Variants in DUSP18 observed in about 807,000 individuals in gnomAD.
DUSP18 encodes the protein dual specificity protein phosphatase 18.
Under a neutral mutation model 6.3 loss-of-function variants are expected in DUSP18, and 4 were observed. That is an observed-to-expected ratio of 0.63 (90% confidence interval 0.31 to 1.45). The LOEUF is 1.45. Among genes scored for constraint, DUSP18 ranks in the 40% most tolerant of loss-of-function variants. The probability of loss-of-function intolerance (pLI) is 0.07; values close to 1 mark genes in which losing one functional copy is unlikely to be tolerated. For missense variants in DUSP18, 235 were observed against 247.7 expected, an observed-to-expected ratio of 0.95 and a Z score of 0.34; for synonymous variants, 96 against 95.1, an observed-to-expected ratio of 1.01 and a Z score of -0.05.
At chr22:30,665,230 G>A (rs980659561) in intron 1 of DUSP18, 15 of 184,800 alleles carry the variant, frequency 8.1e-5, no homozygotes, top group South Asian at 6.7e-4. Flanking sequence ...GAGAAATGAG[G>A]AGCCAAAGTT....
chr22:30,660,311 A>T (rs9609036), downstream of DUSP18, among the ~76,000 whole-genome samples: 136 of 151,128 alleles, frequency 9.0e-4, no homozygotes, highest in Middle Eastern at 3.4e-3. Context: ...AGAGAAAAAA[A>T]TTTTTTTTTT....
At chr22:30,660,841 AT>A (rs201034099), downstream of DUSP18, among the ~76,000 whole-genome samples, 756 of 144,112 alleles carry the variant, frequency 5.2e-3, 2 homozygotes, top group African/African-American at 0.013. Context: ...GCATAGAACA[AT>A]TTTTTTTTTT....
chr22:30,662,142 G>A lies in DUSP18; in HGVS notation c.*1295C>T, dbSNP rs1193513400. The A allele has an allele frequency of 6.6e-6, 1 of 151,272 alleles. No homozygotes were observed. The highest frequency in any genetic ancestry group is 2.4e-5 in the African/African-American group (1 of 41,150). The allele number at this position is 151,272 out of a possible 1,614,324, so 9.4% of individuals were successfully genotyped here. On this transcript the variant is annotated 3_prime_UTR_variant, in exon 2 of 2. Transcript: ENST00000334679. The stretch of plus-strand genomic sequence containing the variant: ...ATGCCATTATGGGGATGTGTGTGCC[G>A]ACCTGGGACCAGCAGGGTGAAAGAG...
intron 1 of DUSP18, among the ~76,000 whole-genome samples, chr22:30,664,711 G>A (rs920476933): frequency 3.9e-5 from 6 of 152,208 alleles, no homozygotes; most frequent in African/African-American, 1.2e-4. Context: ...ATGCCCATGC[G>A]AAGCTGATGT....
chr22:30,656,149 A>T (rs1236221394), intron 2 of DUSP18, among the ~76,000 whole-genome samples: 32 of 150,560 alleles, frequency 2.1e-4, no homozygotes, highest in Non-Finnish European at 2.2e-4. Flanking sequence ...TTTTTTTTTT[A>T]AACTTTTTGT....
downstream of DUSP18, among the ~76,000 whole-genome samples, chr22:30,659,931 G>A (rs968483203): frequency 2.0e-5 from 3 of 152,110 alleles, no homozygotes; most frequent in Non-Finnish European, 4.4e-5. Flanking sequence ...ATTTCTGGAG[G>A]GGCACACGTA....
chr22:30,658,484 C>T (rs1007233066), downstream of DUSP18, among the ~76,000 whole-genome samples: 22 of 151,944 alleles, frequency 1.4e-4, no homozygotes, highest in African/African-American at 5.3e-4. Context: ...AAAGCATCTG[C>T]AATCTGAAAA....
intron 1 of DUSP18, among the ~76,000 whole-genome samples, 176 bp from the exon 2 acceptor site, chr22:30,664,256 CCA>C (rs1469697810): frequency 1.3e-5 from 2 of 152,168 alleles, no homozygotes; most frequent in African/African-American, 4.8e-5. Context: ...CTCTCCAAAC[CCA>C]CAGTCAGACT....
At chr22:30,654,158 A>G in intron 2 of DUSP18, 1 of 219,318 alleles carries the variant, frequency 4.6e-6, no homozygotes, top group Non-Finnish European at 9.1e-6. Flanking sequence ...TTTATTTTTT[A>G]TTTTTTTAGT....
chr22:30,652,231 G>C (rs575457199), exon 3 of DUSP18: 1 of 152,248 alleles, frequency 6.6e-6, no homozygotes, highest in African/African-American at 2.4e-5. Context: ...CCTGGGTGGG[G>C]GCCACAAGAT....
downstream of DUSP18, among the ~76,000 whole-genome samples, chr22:30,661,230 C>G (rs985593062): frequency 1.3e-5 from 2 of 151,984 alleles, no homozygotes; most frequent in Non-Finnish European, 2.9e-5. Context: ...AGTTTGAGAC[C>G]CATTCATGGA....
At chr22:30,652,886 G>C (rs1461132832) in intron 2 of DUSP18, among the ~76,000 whole-genome samples, 1 of 152,176 alleles carries the variant, frequency 6.6e-6, no homozygotes, top group African/African-American at 2.4e-5. Flanking sequence ...TTCCCACATT[G>C]ACTACACAAA....
intron 2 of DUSP18, among the ~76,000 whole-genome samples, chr22:30,655,893 T>C (rs149926036): frequency 2.0e-3 from 297 of 152,214 alleles, no homozygotes; most frequent in Non-Finnish European, 2.4e-3. Context: ...TTAGGTGATA[T>C]TGGGTCACGA....
Position 30,663,779 on chromosome 22 carries a change from A to AG in DUSP18, c.224dup (p.Asn76Ter), listed in dbSNP as rs1249597980. 1 of 1,614,208 alleles carries AG rather than the reference A, an allele frequency of 6.2e-7. No homozygotes were observed. The highest frequency in any genetic ancestry group is 8.5e-7 in the Non-Finnish European group (1 of 1,180,024). On this transcript the variant is annotated frameshift_variant, in exon 2 of 2. Coordinates refer to ENST00000334679, the MANE Select transcript of DUSP18 (RefSeq NM_152511.5). LOFTEE classifies it high-confidence loss of function. ...CAAAGAAGTCACAGAGACGTGAGTT[A>AG]GGGGAGTCAGCCACAGGTACCTGCA...
At chr22:30,653,898 C>T (rs2088276712) in intron 2 of DUSP18, 1 of 165,522 alleles carries the variant, frequency 6.0e-6, no homozygotes, top group Non-Finnish European at 1.3e-5. Flanking sequence ...GTCCATGGGT[C>T]TTGAGGACAC....
chr22:30,656,374 C>T (rs888935919), intron 2 of DUSP18, among the ~76,000 whole-genome samples: 2 of 152,122 alleles, frequency 1.3e-5, no homozygotes, highest in African/African-American at 2.4e-5. Flanking sequence ...AATTAGATCG[C>T]CATCTCAACA....
chr22:30,656,767 A>G (rs2088346271), downstream of DUSP18, among the ~76,000 whole-genome samples: 1 of 152,164 alleles, frequency 6.6e-6, no homozygotes, highest in African/African-American at 2.4e-5. Flanking sequence ...CCCACTTAGG[A>G]TATGAACTCC....
rs1252165875 is a variant in DUSP18, at chr22:30,663,914, G to C, written c.90C>G (p.Ser30Arg). The change falls in exon 2 of 2, where the codon AGC becomes AGG. Residue 30 changes from serine (S) to arginine (R), a missense_variant. By Grantham distance (110) the Ser-to-Arg change is moderately radical. Transcript: ENST00000334679. ...LSQITKSLYI[S>R]NGVAANNKLM... is the part of the protein sequence containing the mutation. ...GCTTGTTGTTGGCGGCCACACCATT[G>C]CTGATATACAGGCTTTTGGTTATCT... is the stretch of plus-strand genomic sequence containing the variant. The C allele has an allele frequency of 6.2e-7, 1 of 1,614,220 alleles. No individual in the cohort carries two copies. The highest frequency in any genetic ancestry group is 2.2e-5 in the East Asian group (1 of 44,890).
Position 30,663,793 on chromosome 22 carries a change from C to T in DUSP18, c.211G>A (p.Val71Met). The stretch of plus-strand genomic sequence containing the variant: ...AGACGTGAGTTAGGGGAGTCAGCCA[C>T]AGGTACCTGCATGTACTGGATATCC... ...YEDIQYMQVP[V>M]ADSPNSRLCD... Residue 71 changes from valine (V) to methionine (M), a missense_variant, in exon 2 of 2, where the codon GTG becomes ATG. Val to Met is a conservative substitution (Grantham distance 21). Coordinates refer to ENST00000334679, the MANE Select transcript of DUSP18 (RefSeq NM_152511.5). 1 of 1,614,222 alleles carries T rather than the reference C, an allele frequency of 6.2e-7. No individual in the cohort carries two copies. The highest frequency in any genetic ancestry group is 1.1e-5 in the South Asian group (1 of 91,086).
Sources: allele counts gnomAD v4.1 joint callset (sites outside exome capture counted in the v4.1 genomes callset), GRCh38; gene constraint gnomAD v4.1.1; transcripts MANE v1.5; gene names NCBI Gene and HGNC (gene_info 2026-07-23, HGNC 2026-07-21).